The following ASXL2 variants were observed in gnomAD, a reference collection of about 807,000 sequenced individuals.
ASXL2 encodes ASXL transcriptional regulator 2, also known as putative Polycomb group protein ASXL2.
In ASXL2, 23 loss-of-function variants were observed where a neutral mutation model predicts 122.0. That is an observed-to-expected ratio of 0.19 (90% CI 0.14 to 0.27). The LOEUF (loss-of-function observed/expected upper bound fraction) is 0.27, where lower values mean the gene tolerates loss of function less well. Ranked by LOEUF, ASXL2 falls within the 10% of genes least tolerant of loss-of-function variation. The probability of loss-of-function intolerance (pLI) is 1.00; values close to 1 mark genes in which losing one functional copy is unlikely to be tolerated. For missense variants in ASXL2, 1,518 were observed against 1,713.8 expected, an observed-to-expected ratio of 0.89 and a Z score of 2.02; for synonymous variants, 650 against 637.0, an observed-to-expected ratio of 1.02 and a Z score of -0.31.
At chr2:25,748,842 T>C (rs527407022) in intron 12 of ASXL2, among the ~76,000 whole-genome samples, 1 of 152,326 alleles carries the variant, frequency 6.6e-6, no homozygotes, top group Non-Finnish European at 1.5e-5. Context: ...TCAAAGATAC[T>C]ACCTAGAAGA....
chr2:25,855,084 T>C (rs1227332465), intron 1 of ASXL2, among the ~76,000 whole-genome samples: 34 of 152,218 alleles, frequency 2.2e-4, no homozygotes. Flanking sequence ...GTATATGACA[T>C]ACCTTCCCTA....
At chr2:25,799,336 AT>A (rs2088960209) in intron 5 of ASXL2, 48 bp downstream of exon 5, 1 of 1,613,062 alleles carries the variant, frequency 6.2e-7, no homozygotes, top group African/African-American at 1.3e-5. Flanking sequence ...TAACAAGGGC[AT>A]TTGTCCTACA....
intron 5 of ASXL2, among the ~76,000 whole-genome samples, chr2:25,787,153 G>A (rs2088761244): frequency 6.6e-6 from 1 of 152,198 alleles, no homozygotes; most frequent in African/African-American, 2.4e-5. Context: ...GAGTGCTGTT[G>A]TGTATACACA....
chr2:25,757,674 CAAAAAAAAAAAA>C (rs60732948), intron 9 of ASXL2, among the ~76,000 whole-genome samples: 14 of 35,818 alleles, frequency 3.9e-4, no homozygotes, highest in South Asian at 2.0e-3. Flanking sequence ...GACTCCATCT[CAAAAAAAAAAAA>C]AAAAAAAAAA....
At chr2:25,831,296 C>T (rs1328665836) in intron 3 of ASXL2, among the ~76,000 whole-genome samples, 1 of 147,494 alleles carries the variant, frequency 6.8e-6, no homozygotes, top group Non-Finnish European at 1.5e-5. Flanking sequence ...CAGTGAGACT[C>T]CGTCTCAAAA....
At position 25,736,080 on chromosome 2, in the gene ASXL2, TATA is replaced by T. The variant is rs1405860369; in HGVS notation, c.*5946_*5948del. 6.6e-6 allele frequency: 1 copy of T among 152,264 alleles called. No individual in the cohort carries two copies. Among genetic ancestry groups the T allele is most frequent in the African/African-American group, 2.4e-5 (1 of 41,474 alleles). 9.4% of individuals were successfully genotyped at this position (152,264 alleles called of 1,614,324 possible). On this transcript the variant is annotated 3_prime_UTR_variant, in exon 13 of 13. Transcript: ENST00000435504. ...AGTGCTTAGTGCACAGTAGGTGCTC[TATA>T]AATACTTGAATTAGTAAATAACATG...
At chr2:25,756,765 G>A (rs553615771) in intron 9 of ASXL2, among the ~76,000 whole-genome samples, 17 of 152,144 alleles carry the variant, frequency 1.1e-4, no homozygotes, top group Non-Finnish European at 2.1e-4. Flanking sequence ...AAGTAGTTAC[G>A]GACAATACGA....
chr2:25,760,856 T>C (rs1024044031), intron 8 of ASXL2, among the ~76,000 whole-genome samples: 1 of 152,170 alleles, frequency 6.6e-6, no homozygotes. Flanking sequence ...AATACAGAAT[T>C]GCTATGTACA....
At chr2:25,799,272 AGAG>A in intron 5 of ASXL2, 110 bp downstream of exon 5, 1 of 1,421,122 alleles carries the variant, frequency 7.0e-7, no homozygotes, top group South Asian at 1.2e-5. Flanking sequence ...GGACTGTTAT[AGAG>A]GGTAAGGGAA....
chr2:25,858,683 A>G (rs2089809827), intron 1 of ASXL2, among the ~76,000 whole-genome samples: 1 of 150,746 alleles, frequency 6.6e-6, no homozygotes, highest in Non-Finnish European at 1.5e-5. Context: ...AGATCACGCC[A>G]CTGTACTCCA....
intron 9 of ASXL2, among the ~76,000 whole-genome samples, chr2:25,758,315 G>A (rs2088175845): frequency 6.6e-6 from 1 of 152,102 alleles, no homozygotes; most frequent in Non-Finnish European, 1.5e-5. Context: ...CTCTTACTAC[G>A]AACAAGAGAG....
intron 1 of ASXL2, among the ~76,000 whole-genome samples, chr2:25,860,868 T>G (rs2089837204): frequency 6.6e-6 from 1 of 151,498 alleles, no homozygotes; most frequent in Admixed American, 6.6e-5. Flanking sequence ...AAAAATTAAT[T>G]GGGCATGGTG....
intron 8 of ASXL2, among the ~76,000 whole-genome samples, chr2:25,766,401 GAGACATTGTA>G (rs1453766046): frequency 6.6e-6 from 1 of 152,136 alleles, no homozygotes; most frequent in African/African-American, 2.4e-5. Flanking sequence ...CCTACTATGT[GAGACATTGTA>G]CGACCTAGAT....
intron 1 of ASXL2, among the ~76,000 whole-genome samples, chr2:25,847,728 C>G (rs144089310): frequency 9.9e-5 from 15 of 152,248 alleles, no homozygotes; most frequent in African/African-American, 3.6e-4. Flanking sequence ...AACTGGATCA[C>G]AACCATATGA....
Position 25,759,701 on chromosome 2 carries a change from A to C in ASXL2, c.776-56T>G, listed in dbSNP as rs1286869679. On this transcript the variant is annotated intron_variant, in intron 8 of 12. Transcript: ENST00000435504. ...TCCCTCACAAGTCCTGTTTCTATAT[A>C]AACTGTAGCTTTCTGTGCAGTATAA... The C allele has an allele frequency of 2.6e-6, 4 of 1,552,794 alleles. No individual in the cohort carries two copies. The East Asian group carries it at 9.0e-5, about 35-fold the overall frequency.
intron 1 of ASXL2, among the ~76,000 whole-genome samples, chr2:25,851,466 C>A (rs955601561): frequency 6.6e-6 from 1 of 152,086 alleles, no homozygotes. Flanking sequence ...TACTACAAAC[C>A]CTTTCTTCCA....
At position 25,736,757 on chromosome 2, in the gene ASXL2, A is replaced by G. The variant is rs536275803; in HGVS notation, c.*5272T>C. On this transcript the variant is annotated 3_prime_UTR_variant, in exon 13 of 13. Transcript: ENST00000435504. Reference sequence around the variant, plus strand: ...TTATGGGAACTAGTGAACTACAATAAAAAGTCAGTTTTATGGGTCATCAAG... The same window carrying G: ...TTATGGGAACTAGTGAACTACAATAGAAAGTCAGTTTTATGGGTCATCAAG... 1 of 152,202 alleles carries G rather than the reference A, an allele frequency of 6.6e-6. No individual in the cohort carries two copies. Among genetic ancestry groups the G allele is most frequent in the African/African-American group, 2.4e-5 (1 of 41,448 alleles). 9.4% of individuals were successfully genotyped at this position (152,202 alleles called of 1,614,324 possible). A position where few individuals can be genotyped will look rare whatever the true frequency, so the allele number is the denominator to read the frequency against.
intron 8 of ASXL2, among the ~76,000 whole-genome samples, chr2:25,765,267 C>T (rs1315695876): frequency 5.3e-5 from 8 of 151,978 alleles, no homozygotes; most frequent in South Asian, 2.1e-4. Context: ...GGGCAGATCA[C>T]GAGGTCAGGA....
At chr2:25,849,662 G>A (rs943426230) in intron 1 of ASXL2, among the ~76,000 whole-genome samples, 1 of 151,738 alleles carries the variant, frequency 6.6e-6, no homozygotes, top group Admixed American at 6.6e-5. Context: ...TTTTTGTAGA[G>A]ACAGGGTTTT....
Sources: allele counts gnomAD v4.1 joint callset (sites outside exome capture counted in the v4.1 genomes callset), GRCh38; gene constraint gnomAD v4.1.1; transcripts MANE v1.5; gene names NCBI Gene and HGNC (gene_info 2026-07-23, HGNC 2026-07-21).